The following CEPT1 variants were observed in gnomAD, a reference collection of about 807,000 sequenced individuals.
CEPT1 encodes the protein choline/ethanolaminephosphotransferase 1.
Under a neutral mutation model 42.6 loss-of-function variants are expected in CEPT1, and 7 were observed. That is an observed-to-expected ratio of 0.16 (90% CI 0.09 to 0.31). The LOEUF (loss-of-function observed/expected upper bound fraction) is 0.31. Ranked by LOEUF, CEPT1 falls within the 10% of genes least tolerant of loss-of-function variation. The pLI is 1.00. For synonymous variants in CEPT1, 171 were observed against 171.9 expected, an observed-to-expected ratio of 0.99 and a Z score of 0.04; for missense variants, 306 against 502.1, an observed-to-expected ratio of 0.61 and a Z score of 3.73.
Position 111,149,409 on chromosome 1 carries a change from C to T in CEPT1, c.339+1356C>T, listed in dbSNP as rs138076123. ...TCCCAAGTAACTGGGATTACAGGCC[C>T]GCACCATCACGCCCGGCTAATTTTT... On this transcript the variant is annotated intron_variant, in intron 2 of 8. Transcript: ENST00000357172. 3.7e-3 allele frequency among the ~76,000 whole-genome samples: 562 copies of T among 151,954 alleles called. 5 individuals carry two copies. The highest frequency in any genetic ancestry group is 0.013 in the African/African-American group (531 of 41,434).
intron 2 of CEPT1, among the ~76,000 whole-genome samples, chr1:111,158,589 A>C (rs572543422): frequency 1.1e-4 from 17 of 152,318 alleles, no homozygotes; most frequent in Non-Finnish European, 2.2e-4. Flanking sequence ...CCCCTCTTGA[A>C]TATTCACAGG....
At chr1:111,141,059 C>CTT (rs1654502314) in intron 1 of CEPT1, among the ~76,000 whole-genome samples, 1 of 152,112 alleles carries the variant, frequency 6.6e-6, no homozygotes, top group African/African-American at 2.4e-5. Flanking sequence ...TATAATTTTG[C>CTT]TTGAAGTCTT....
At chr1:111,163,078 G>C (rs1191430527) in intron 4 of CEPT1, among the ~76,000 whole-genome samples, 1 of 152,072 alleles carries the variant, frequency 6.6e-6, no homozygotes, top group African/African-American at 2.4e-5. Context: ...AGGAGTTCTA[G>C]GGTAAAAGGC....
At chr1:111,146,166 T>G (rs1654952378) in intron 1 of CEPT1, among the ~76,000 whole-genome samples, 1 of 152,086 alleles carries the variant, frequency 6.6e-6, no homozygotes, top group Non-Finnish European at 1.5e-5. Flanking sequence ...CATTTTTTTC[T>G]TTCAATGCTT....
chr1:111,166,437 T>G (rs1037754099), intron 4 of CEPT1, among the ~76,000 whole-genome samples: 1 of 152,220 alleles, frequency 6.6e-6, no homozygotes, highest in East Asian at 1.9e-4. Context: ...AGTATTATAA[T>G]GCTGGTGTGG....
chr1:111,141,086 T>C (rs1485715432), intron 1 of CEPT1, among the ~76,000 whole-genome samples: 1 of 152,228 alleles, frequency 6.6e-6, no homozygotes, highest in African/African-American at 2.4e-5. Context: ...AGTAAATCCA[T>C]AGTATGACAG....
chr1:111,167,504 A>G (rs963654882), intron 4 of CEPT1: 6 of 873,094 alleles, frequency 6.9e-6, no homozygotes, highest in African/African-American at 1.8e-5. Flanking sequence ...ACCAGTAAAT[A>G]GAATTTTTTT....
chr1:111,156,290 T>G (rs1172848437), intron 2 of CEPT1, among the ~76,000 whole-genome samples: 1 of 152,214 alleles, frequency 6.6e-6, no homozygotes, highest in Non-Finnish European at 1.5e-5. Context: ...CGCAAATATT[T>G]AAAAATTTGT....
chr1:111,152,043 A>G (rs1240752199), intron 2 of CEPT1, among the ~76,000 whole-genome samples: 1 of 152,192 alleles, frequency 6.6e-6, no homozygotes, highest in South Asian at 2.1e-4. Flanking sequence ...CGTAAGACAG[A>G]AAAAGGAAGT....
Position 111,151,120 on chromosome 1 carries a change from T to G in CEPT1, c.339+3067T>G, listed in dbSNP as rs1030692948. ...GGTAGTCAGAGCACTGCTTGTTTTT[T>G]TTTGTTTGTTTTTTTTTTTTTTTGA... On this transcript the variant is annotated intron_variant, in intron 2 of 8. Coordinates refer to ENST00000357172, the MANE Select transcript of CEPT1 (RefSeq NM_006090.5). Among the ~76,000 whole-genome samples, 17 of 147,906 alleles carry G rather than the reference T, an allele frequency of 1.1e-4. 1 individual carries two copies. The highest frequency in any genetic ancestry group is 8.9e-5 in the Non-Finnish European group (6 of 67,140).
chr1:111,183,297 T>G lies in CEPT1; in HGVS notation c.1006-165T>G, dbSNP rs572990744. 2.0e-5 allele frequency among the ~76,000 whole-genome samples: 3 copies of G among 152,332 alleles called. No homozygotes were observed. In the South Asian group the frequency reaches 6.2e-4, roughly 32 times the overall value. ...GGGTTAGTTGACATGATACATCCCT[T>G]TCTTTCTCAGACGCATTTCATATTG... On this transcript the variant is annotated intron_variant, in intron 7 of 8. Coordinates refer to ENST00000357172, the MANE Select transcript of CEPT1 (RefSeq NM_006090.5).
At chr1:111,156,527 G>A (rs918307449) in intron 2 of CEPT1, among the ~76,000 whole-genome samples, 2 of 152,154 alleles carry the variant, frequency 1.3e-5, no homozygotes, top group Admixed American at 6.5e-5. Context: ...AAGAAGAATT[G>A]TCTTGGGCCA....
chr1:111,142,654 C>G (rs1654721045), intron 1 of CEPT1, among the ~76,000 whole-genome samples: 1 of 152,026 alleles, frequency 6.6e-6, no homozygotes, highest in African/African-American at 2.4e-5. Context: ...TCCTGTCTCA[C>G]TAAATTAAAT....
chr1:111,160,839 T>C (rs889143667), intron 3 of CEPT1: 1 of 318,460 alleles, frequency 3.1e-6, no homozygotes, highest in Non-Finnish European at 5.9e-6. Context: ...GCTGTCTGCC[T>C]TGTAATGATT....
At chr1:111,141,604 G>T (rs1474607599) in intron 1 of CEPT1, among the ~76,000 whole-genome samples, 1 of 152,136 alleles carries the variant, frequency 6.6e-6, no homozygotes, top group Non-Finnish European at 1.5e-5. Flanking sequence ...TGTTGTGTGT[G>T]TGTGTTTTTT....
intron 2 of CEPT1, among the ~76,000 whole-genome samples, chr1:111,158,743 A>C (rs1655705421): frequency 6.6e-6 from 1 of 152,096 alleles, no homozygotes; most frequent in African/African-American, 2.4e-5. Flanking sequence ...GAAGGATATG[A>C]TTTTGGAAAA....
At chr1:111,179,261 G>A (rs1433523190) in intron 5 of CEPT1, 2 of 152,054 alleles carry the variant, frequency 1.3e-5, no homozygotes, top group Admixed American at 1.3e-4. Flanking sequence ...TCATTACATT[G>A]TTATTATTTG....
chr1:111,172,268 TTTG>T (rs748967181), intron 4 of CEPT1, among the ~76,000 whole-genome samples: 2 of 152,208 alleles, frequency 1.3e-5, no homozygotes, highest in Non-Finnish European at 2.9e-5. Flanking sequence ...GGTTTTGTTT[TTTG>T]TTGTTTTTTT....
chr1:111,165,357 G>C (rs1022183084), intron 4 of CEPT1, among the ~76,000 whole-genome samples: 4 of 150,194 alleles, frequency 2.7e-5, no homozygotes, highest in Non-Finnish European at 3.0e-5. Context: ...CTAAAACATC[G>C]GTCTTAAAAA....
Sources: gnomAD v4.1 joint callset for allele counts (sites outside exome capture counted in the v4.1 genomes callset) on GRCh38, gnomAD v4.1.1 for gene constraint, MANE v1.5 for transcripts, NCBI Gene and HGNC (gene_info 2026-07-23, HGNC 2026-07-21) for gene names.